ROBO2: variants seen among roughly 807,000 people sequenced by gnomAD.
ROBO2 encodes the protein roundabout homolog 2.
Under a neutral mutation model 160.8 loss-of-function variants are expected in ROBO2, and 53 were observed. That is an observed-to-expected ratio of 0.33 (90% CI 0.26 to 0.41). ROBO2 has a LOEUF of 0.41. ROBO2 is among the 10% of genes least tolerant of loss of function. The pLI, the probability that ROBO2 is intolerant of heterozygous loss-of-function variation, is 1.00. For missense variants in ROBO2, 1,577 were observed against 1,722.4 expected, an observed-to-expected ratio of 0.92 and a Z score of 1.49; for synonymous variants, 664 against 611.7, an observed-to-expected ratio of 1.09 and a Z score of -1.26.
chr3:76,087,141 C>A (rs1044277649), intron 2 of ROBO2, among the ~76,000 whole-genome samples: 1 of 151,870 alleles, frequency 6.6e-6, no homozygotes, highest in Non-Finnish European at 1.5e-5. Flanking sequence ...TAATGACAGA[C>A]ACCAAACCAC....
chr3:76,647,608 C>T (rs1257417957), intron 2 of ROBO2, among the ~76,000 whole-genome samples: 1 of 152,030 alleles, frequency 6.6e-6, no homozygotes, highest in Non-Finnish European at 1.5e-5. Context: ...AACCTTGAGG[C>T]AAAAATGGTG....
At chr3:77,593,899 GA>G (rs150020037) in intron 17 of ROBO2, among the ~76,000 whole-genome samples, 1 of 151,562 alleles carries the variant, frequency 6.6e-6, no homozygotes, top group Non-Finnish European at 1.5e-5. Context: ...CTCACCACAG[GA>G]AAAAAAATCA....
intron 2 of ROBO2, among the ~76,000 whole-genome samples, chr3:77,182,916 G>T (rs1032605202): frequency 6.6e-6 from 1 of 151,944 alleles, no homozygotes. Context: ...TTTTATTTAA[G>T]CATTTCTGTA....
At chr3:76,751,112 A>G (rs1020878798) in intron 2 of ROBO2, among the ~76,000 whole-genome samples, 3 of 152,156 alleles carry the variant, frequency 2.0e-5, no homozygotes, top group African/African-American at 4.8e-5. Context: ...AGACCAATGG[A>G]ACAGAACAGA....
intron 2 of ROBO2, among the ~76,000 whole-genome samples, chr3:77,156,880 T>C (rs1432833135): frequency 1.3e-5 from 2 of 152,010 alleles, no homozygotes; most frequent in East Asian, 3.9e-4. Flanking sequence ...CTGTTTCTAA[T>C]GCTTATATTA....
At chr3:76,751,073 G>A (rs1339108641) in intron 2 of ROBO2, among the ~76,000 whole-genome samples, 1 of 152,060 alleles carries the variant, frequency 6.6e-6, no homozygotes, top group Middle Eastern at 3.2e-3. Flanking sequence ...AACCAAAACA[G>A]CATGGTACTG....
upstream of ROBO2, among the ~76,000 whole-genome samples, chr3:77,037,265 C>A (rs2063694203): frequency 1.3e-5 from 2 of 152,002 alleles, no homozygotes; most frequent in South Asian, 4.1e-4. Context: ...TTTAAAAAAC[C>A]AGTTATGAAC....
chr3:76,268,115 CA>C (rs1463843757), intron 2 of ROBO2, among the ~76,000 whole-genome samples: 1 of 152,102 alleles, frequency 6.6e-6, no homozygotes, highest in Non-Finnish European at 1.5e-5. Context: ...CACATATACA[CA>C]TAAATTATCC....
rs201397831 is a variant in ROBO2 at position 76,863,455 on chromosome 3, A to G, written c.110-234559A>G. On this transcript the variant is annotated intron_variant, in intron 2 of 26. Coordinates refer to the ROBO2 transcript ENST00000487694. ...CCTGTCTCAAAAAAAAAGAAAAAAG[A>G]AAAGAAAAGAAAGAAAATAAAGCAG... Among the ~76,000 whole-genome samples, 577 of 150,922 alleles carry G rather than the reference A, an allele frequency of 3.8e-3. 19 individuals carry two copies. Among genetic ancestry groups the G allele is most frequent in the East Asian group, 0.028 (143 of 5,134 alleles).
chr3:77,121,718 A>G lies in ROBO2; in HGVS notation c.388+23378A>G, dbSNP rs535203311. Among the ~76,000 whole-genome samples the G allele has an allele frequency of 7.2e-5, 11 of 152,144 alleles. No homozygotes were observed. In the East Asian group the frequency reaches 2.1e-3, roughly 29 times the overall value. On this transcript the variant is annotated intron_variant, in intron 2 of 25. Transcript: ENST00000461745. ...TTTTATATTATATATTAGTGTTGGA[A>G]TTGCTTGGATGATTAAGATCTCATC...
exon 1 of ROBO2, chr3:77,040,816 C>T: frequency 6.2e-7 from 1 of 1,614,058 alleles, no homozygotes; most frequent in African/African-American, 1.3e-5. Context: ...ACAACTACTG[C>T]TCTGTGGATT....
chr3:77,028,617 G>C (rs2063119379), intron 2 of ROBO2, among the ~76,000 whole-genome samples: 1 of 152,178 alleles, frequency 6.6e-6, no homozygotes, highest in African/African-American at 2.4e-5. Context: ...CTTCTCGGGA[G>C]GCTGGGGCAG....
chr3:76,218,176 G>A (rs1484975715), intron 2 of ROBO2, among the ~76,000 whole-genome samples: 1 of 152,122 alleles, frequency 6.6e-6, no homozygotes, highest in African/African-American at 2.4e-5. Flanking sequence ...AATAACAAGA[G>A]CTATCTATTG....
chr3:76,472,186 A>G (rs1437625339), intron 2 of ROBO2, among the ~76,000 whole-genome samples: 1 of 152,070 alleles, frequency 6.6e-6, no homozygotes, highest in Non-Finnish European at 1.5e-5. Flanking sequence ...AAAAATATGC[A>G]ATATGTATTC....
upstream of ROBO2, chr3:75,906,685 G>C (rs561423944): frequency 6.5e-4 from 99 of 152,466 alleles, no homozygotes; most frequent in African/African-American, 2.3e-3. Context: ...AGTAGCACGG[G>C]CAGCTCGCGC....
chr3:77,133,725 G>A (rs900779378), intron 2 of ROBO2, among the ~76,000 whole-genome samples: 4 of 151,758 alleles, frequency 2.6e-5, no homozygotes, highest in Admixed American at 2.0e-4. Flanking sequence ...ATATTTAGTA[G>A]TACATAGGGA....
At chr3:76,717,491 CAAA>C (rs538321640) in intron 2 of ROBO2, among the ~76,000 whole-genome samples, 9 of 73,172 alleles carry the variant, frequency 1.2e-4, no homozygotes, top group Admixed American at 1.6e-4. Context: ...ACCCTGTCTC[CAAA>C]AAAAAAAAAA....
chr3:77,378,238 T>G (rs2153483475), intron 2 of ROBO2, among the ~76,000 whole-genome samples: 1 of 152,326 alleles, frequency 6.6e-6, no homozygotes, highest in African/African-American at 2.4e-5. Context: ...TCTCCCTAAC[T>G]TGAAGGTTCA....
intron 2 of ROBO2, among the ~76,000 whole-genome samples, chr3:76,025,603 A>C (rs1559844590): frequency 6.6e-6 from 1 of 151,782 alleles, no homozygotes; most frequent in Non-Finnish European, 1.5e-5. Context: ...CAGATACAAT[A>C]AAACTCACTA....
Sources: allele counts gnomAD v4.1 joint callset (sites outside exome capture counted in the v4.1 genomes callset), GRCh38; gene constraint gnomAD v4.1.1; transcripts MANE v1.5; gene names NCBI Gene and HGNC (gene_info 2026-07-23, HGNC 2026-07-21).